GGH: variants seen among roughly 807,000 people sequenced by gnomAD.
GGH encodes gamma-Glu-X carboxypeptidase.
In GGH, 18 loss-of-function variants were observed where a neutral mutation model predicts 39.2. The ratio of observed to expected loss-of-function variants is 0.46; its 90% CI spans 0.32 to 0.68. GGH has a LOEUF of 0.68. GGH is among the 30% of genes least tolerant of loss of function. The pLI, the probability that GGH is intolerant of heterozygous loss-of-function variation, is 0.04. For synonymous variants in GGH, 147 were observed against 138.8 expected (o/e 1.06, Z -0.42); for missense variants, 367 against 384.1 (o/e 0.96, Z 0.37).
intron 7 of GGH, among the ~76,000 whole-genome samples, chr8:63,019,724 G>A (rs958053510): frequency 2.0e-5 from 3 of 152,200 alleles, no homozygotes; most frequent in Non-Finnish European, 4.4e-5. Context: ...AATCGCCCAA[G>A]AAAGCTTCAC....
chr8:63,021,804 GC>G (rs1804591258), intron 7 of GGH, among the ~76,000 whole-genome samples: 1 of 150,482 alleles, frequency 6.6e-6, no homozygotes, highest in Non-Finnish European at 1.5e-5. Flanking sequence ...CTCCCAAGTA[GC>G]TGGGATTACA....
intron 2 of GGH, among the ~76,000 whole-genome samples, chr8:63,031,249 C>CT (rs1483948217): frequency 6.6e-6 from 1 of 152,174 alleles, no homozygotes; most frequent in Non-Finnish European, 1.5e-5. Flanking sequence ...GGGATCTACT[C>CT]TAAGTCCAAA....
At chr8:63,032,157 C>T (rs576993157) in intron 2 of GGH, among the ~76,000 whole-genome samples, 118 of 152,234 alleles carry the variant, frequency 7.8e-4, no homozygotes, top group African/African-American at 2.8e-3. Context: ...CCTCAGCCTC[C>T]TGAGTAGCTG....
At chr8:63,030,085 T>A in intron 3 of GGH, 82 bp downstream of exon 3, 1 of 690,668 alleles carries the variant, frequency 1.4e-6, no homozygotes, top group Non-Finnish European at 2.6e-6. Flanking sequence ...GAAACATGTA[T>A]AATATTTATA....
At chr8:63,035,560 C>A in intron 2 of GGH, 96 bp downstream of exon 2, 1 of 1,485,322 alleles carries the variant, frequency 6.7e-7, no homozygotes, top group Non-Finnish European at 8.9e-7. Context: ...CCGCCTTGGC[C>A]TCCCAAAGTG....
chr8:63,032,996 C>T (rs1301684029), intron 2 of GGH, among the ~76,000 whole-genome samples: 1 of 152,160 alleles, frequency 6.6e-6, no homozygotes, highest in African/African-American at 2.4e-5. Context: ...CAGTGTAAGC[C>T]AAGCCCTCAA....
chr8:63,022,898 T>C (rs12541873), intron 7 of GGH, among the ~76,000 whole-genome samples: 30,942 of 152,138 alleles, frequency 0.2, 3,325 homozygotes, highest in East Asian at 0.42. Context: ...TTCAAGCATT[T>C]TTCTTTCTTT....
chr8:63,017,106 C>A lies in GGH; in HGVS notation c.835+387G>T, dbSNP rs181094476. ...CTCAGGATGCCGAGGCAGGAGGATC[C>A]CCTGAGCCCAGGAGTTTGAGGCTGC... On this transcript the variant is annotated intron_variant, in intron 8 of 8. Transcript: ENST00000260118. Among the ~76,000 whole-genome samples, 49 of 152,054 alleles carry A rather than the reference C, an allele frequency of 3.2e-4. No homozygotes were observed. In the Middle Eastern group the frequency reaches 0.01, roughly 32 times the overall value.
At chr8:63,023,381 C>T (rs528850567) in intron 7 of GGH, 1 of 152,424 alleles carries the variant, frequency 6.6e-6, no homozygotes, top group Admixed American at 6.5e-5. Flanking sequence ...TTCACCCTTA[C>T]ATTGCTGGTA....
intron 1 of GGH, among the ~76,000 whole-genome samples, chr8:63,037,606 A>C (rs1425764176): frequency 6.6e-6 from 1 of 152,168 alleles, no homozygotes. Context: ...TCAGTTAACG[A>C]TGTTGTGCTG....
intron 5 of GGH, 104 bp from the exon 6 acceptor site, chr8:63,024,290 A>T: frequency 1.6e-6 from 1 of 641,714 alleles, no homozygotes; most frequent in Non-Finnish European, 2.8e-6. Flanking sequence ...AGACATAATC[A>T]AGATGACCAA....
At chr8:63,022,511 C>CCTT (rs34568404) in intron 7 of GGH, among the ~76,000 whole-genome samples, 118,522 of 151,614 alleles carry the variant, frequency 0.78, 47,373 homozygotes, top group East Asian at 0.98. Flanking sequence ...CTGTGTCTAA[C>CCTT]CTGATTAACA....
intron 7 of GGH, among the ~76,000 whole-genome samples, chr8:63,019,114 T>A (rs1804540714): frequency 6.6e-6 from 1 of 152,224 alleles, no homozygotes; most frequent in South Asian, 2.1e-4. Context: ...AAAAAATTTA[T>A]GGGGATAATG....
chr8:63,024,215 A>C (rs2129651268), intron 5 of GGH, 29 bp from the exon 6 acceptor site: 1 of 1,334,610 alleles, frequency 7.5e-7, no homozygotes, highest in East Asian at 2.3e-5. Flanking sequence ...AAGAGAAATA[A>C]TTTAAACACA....
At position 63,017,584 on chromosome 8, in the gene GGH, T is replaced by G; in HGVS notation, c.744A>C (p.Ala248=). The change falls in exon 8 of 9, where the codon GCA becomes GCC. Residue 248 remains alanine (A), a synonymous_variant. Transcript: ENST00000260118. The part of the protein sequence containing the change: ...VYGVQWHPEK[A]PYEWKNLDGI... Reference sequence around the variant, plus strand: ...CATCCAAATTCTTCCACTCATAAGGTGCTTTCTCTGGATGCCACTGGACAC... The same window carrying G: ...CATCCAAATTCTTCCACTCATAAGGGGCTTTCTCTGGATGCCACTGGACAC... The G allele has an allele frequency of 6.2e-7, 1 of 1,605,824 alleles. No homozygotes were observed. Among genetic ancestry groups the G allele is most frequent in the Non-Finnish European group, 8.5e-7 (1 of 1,172,592 alleles).
intron 1 of GGH, 52 bp downstream of exon 1, chr8:63,038,608 C>T: frequency 2.0e-6 from 2 of 985,310 alleles, no homozygotes; most frequent in Admixed American, 3.4e-5. Flanking sequence ...AGGCGCCCAG[C>T]GCCAACACCC....
rs1804685567 is a variant in GGH, at chr8:63,026,424, C to T, written c.361-128G>A. 4.3e-6 allele frequency: 3 copies of T among 694,920 alleles called. No homozygotes were observed. The Admixed American group carries it at 8.7e-5, about 20-fold the overall frequency. 43.0% of individuals were successfully genotyped at this position (694,920 alleles called of 1,614,324 possible). On this transcript the variant is annotated intron_variant, in intron 4 of 8. Transcript: ENST00000260118. ...GGATTTCTGAAGAATTCTCCAGGATCCATAAGTAGGCTATCACTTAATCTC... is the reference window on the plus strand; with the variant it reads ...GGATTTCTGAAGAATTCTCCAGGATTCATAAGTAGGCTATCACTTAATCTC...
chr8:63,038,761 C>A lies in GGH; in HGVS notation c.8G>T (p.Ser3Ile), dbSNP rs774186370. 1.9e-6 allele frequency: 3 copies of A among 1,543,340 alleles called. No homozygotes were observed. Among genetic ancestry groups the A allele is most frequent in the Non-Finnish European group, 2.6e-6 (3 of 1,148,768 alleles). ...CAGCACGCACAGCAGGCAGCCCGGA[C>A]TGGCCATGGCGCTCGCCGCCTCCCG... MA[S>I]PGCLLCVLGL... is the part of the protein sequence containing the mutation. The change falls in exon 1 of 9, where the codon AGT becomes ATT. Residue 3 changes from serine to isoleucine, a missense_variant. Ser to Ile is a moderately radical substitution (Grantham distance 142). Transcript: ENST00000260118.
At chr8:63,022,684 T>G (rs1804613290) in intron 7 of GGH, among the ~76,000 whole-genome samples, 1 of 151,696 alleles carries the variant, frequency 6.6e-6, no homozygotes, top group East Asian at 1.9e-4. Context: ...CCAGCTTTTT[T>G]TTTTTTTCTT....
Sources: allele counts gnomAD v4.1 joint callset (sites outside exome capture counted in the v4.1 genomes callset), GRCh38; gene constraint gnomAD v4.1.1; transcripts MANE v1.5; gene names NCBI Gene and HGNC (gene_info 2026-07-23, HGNC 2026-07-21).